TMEM72: variants seen among roughly 807,000 people sequenced by gnomAD.
TMEM72 encodes kidney-specific secretory protein of 37 kDa.
TMEM72 carries 9 observed loss-of-function variants against 16.3 expected under a neutral mutation model. The observed-to-expected ratio is 0.55, with a 90% confidence interval of 0.33 to 0.96. TMEM72 has a LOEUF of 0.96. TMEM72 is among the 40% of genes least tolerant of loss of function. The pLI is 0.03. For missense variants in TMEM72, 324 were observed against 337.8 expected (o/e 0.96, Z 0.32); for synonymous variants, 160 against 146.5 (o/e 1.09, Z -0.66).
chr10:44,913,117 G>A (rs1374692539), intron 1 of TMEM72, among the ~76,000 whole-genome samples: 2 of 152,074 alleles, frequency 1.3e-5, no homozygotes, highest in Non-Finnish European at 1.5e-5. Context: ...TCAGAACCAC[G>A]TTGTCGTCTA....
At chr10:44,933,448 A>T (rs886784214) in intron 3 of TMEM72, among the ~76,000 whole-genome samples, 189 bp from the exon 4 acceptor site, 1 of 152,130 alleles carries the variant, frequency 6.6e-6, no homozygotes, top group Non-Finnish European at 1.5e-5. Context: ...AAACTTGTGG[A>T]CCCTCTAGAG....
chr10:44,916,290 A>G (rs1273278063), intron 1 of TMEM72, among the ~76,000 whole-genome samples: 1 of 152,126 alleles, frequency 6.6e-6, no homozygotes, highest in East Asian at 1.9e-4. Flanking sequence ...GGAATCACTG[A>G]GGGGTTTTAT....
At chr10:44,912,330 A>T (rs1379230943) in intron 1 of TMEM72, among the ~76,000 whole-genome samples, 8 of 152,182 alleles carry the variant, frequency 5.3e-5, no homozygotes, top group African/African-American at 1.7e-4. Flanking sequence ...TCCCCAGGGC[A>T]GGCCTGACCC....
rs181416277 is a variant in TMEM72 at position 44,929,814 on chromosome 10, C to G, written c.137+1827C>G. Among the ~76,000 whole-genome samples, 1,306 of 152,398 alleles carry G rather than the reference C, an allele frequency of 8.6e-3. 10 individuals carry two copies. The highest frequency in any genetic ancestry group is 0.013 in the Admixed American group (203 of 15,310). On this transcript the variant is annotated intron_variant, in intron 2 of 4. Coordinates refer to ENST00000389583, the MANE Select transcript of TMEM72 (RefSeq NM_001123376.3). The stretch of plus-strand genomic sequence containing the variant: ...TCACTCATTCTGTTGGGTGCCCAAG[C>G]ACCGTCCACCCATTTCCACCTGCCC...
At chr10:44,921,890 C>T (rs1164897417) in intron 1 of TMEM72, among the ~76,000 whole-genome samples, 1 of 152,238 alleles carries the variant, frequency 6.6e-6, no homozygotes, top group African/African-American at 2.4e-5. Context: ...TGGGCTTAGA[C>T]TGAAGGCCAC....
Position 44,934,911 on chromosome 10 carries a change from C to T in TMEM72, c.605C>T (p.Pro202Leu), listed in dbSNP as rs1840372039. 2 of 1,613,658 alleles carry T rather than the reference C, an allele frequency of 1.2e-6. No individual in the cohort carries two copies. Among genetic ancestry groups the T allele is most frequent in the East Asian group, 2.2e-5 (1 of 44,868 alleles). ...GTKKPSALQP[P>L]NTLMELSLEP... ...AAGAAGCCCAGTGCCCTCCAGCCCC[C>T]CAACACCCTGATGGAGCTGAGCCTG... Residue 202 changes from proline to leucine, a missense_variant, in exon 5 of 5, where the codon CCC (proline) becomes CTC (leucine). Transcript: ENST00000389583.
chr10:44,934,750 G>T lies in TMEM72; in HGVS notation c.444G>T (p.Gln148His). ...AAPEVLASPE[Q>H]YTDPSSSAVS... ...CCGAGGTGCTGGCCTCCCCAGAGCAGTACACAGACCCCTCTAGCAGCGCTG... is the reference window on the plus strand; with the variant it reads ...CCGAGGTGCTGGCCTCCCCAGAGCATTACACAGACCCCTCTAGCAGCGCTG... The change falls in exon 5 of 5, where the codon CAG (glutamine) becomes CAT (histidine). Residue 148 changes from glutamine to histidine, a missense_variant. Gln to His is a conservative substitution (Grantham distance 24). Transcript: ENST00000389583. 1 of 1,613,620 alleles carries T rather than the reference G, an allele frequency of 6.2e-7. No individual in the cohort carries two copies. The highest frequency in any genetic ancestry group is 1.1e-5 in the South Asian group (1 of 91,076).
At position 44,930,315 on chromosome 10, in the gene TMEM72, G is replaced by A. The variant is rs1014315667; in HGVS notation, c.138-1683G>A. Among the ~76,000 whole-genome samples, 25 of 152,254 alleles carry A rather than the reference G, an allele frequency of 1.6e-4. 1 individual carries two copies. The highest frequency in any genetic ancestry group is 1.3e-3 in the Admixed American group (20 of 15,302). ...ATATACCCCTCTGTCCCAGGGCATA[G>A]AAAAAGGCAGTGGCAATTATTTTGC... On this transcript the variant is annotated intron_variant, in intron 2 of 4. Transcript: ENST00000389583.
rs1840409357 is a variant in TMEM72, at chr10:44,936,873, A to T, written c.*1739A>T. 1 of 152,214 alleles carries T rather than the reference A, an allele frequency of 6.6e-6. No individual in the cohort carries two copies. The highest frequency in any genetic ancestry group is 1.5e-5 in the Non-Finnish European group (1 of 68,054). The allele number at this position is 152,214 out of a possible 1,614,324, so 9.4% of individuals were successfully genotyped here. Reference sequence around the variant, plus strand: ...ATGGCACAGACATGGCCAGCCTCTGACGTTCCTCTGCATCAGAGTAGTTCT... The same window carrying T: ...ATGGCACAGACATGGCCAGCCTCTGTCGTTCCTCTGCATCAGAGTAGTTCT... On this transcript the variant is annotated 3_prime_UTR_variant, in exon 5 of 5. Coordinates refer to ENST00000389583, the MANE Select transcript of TMEM72 (RefSeq NM_001123376.3).
At chr10:44,928,085 T>A in intron 2 of TMEM72, 98 bp downstream of exon 2, 1 of 1,363,362 alleles carries the variant, frequency 7.3e-7, no homozygotes, top group Non-Finnish European at 1.0e-6. Context: ...CCCCTTCCCA[T>A]GTGAATTCCA....
chr10:44,926,311 G>T (rs1840192670), intron 1 of TMEM72, among the ~76,000 whole-genome samples: 2 of 152,154 alleles, frequency 1.3e-5, no homozygotes, highest in Admixed American at 1.3e-4. Flanking sequence ...CCTAGAGCTG[G>T]CTGCCTCCAC....
intron 2 of TMEM72, among the ~76,000 whole-genome samples, chr10:44,929,331 A>G (rs7098274): frequency 0.53 from 79,923 of 152,020 alleles, 21,964 homozygotes; most frequent in Non-Finnish European, 0.62. Context: ...ATGATATAGG[A>G]AGGCTGTGTG....
At chr10:44,927,471 C>T (rs1280305129) in intron 1 of TMEM72, among the ~76,000 whole-genome samples, 3 of 115,814 alleles carry the variant, frequency 2.6e-5, no homozygotes, top group Non-Finnish European at 3.7e-5. Context: ...CGCCACCCCT[C>T]AGCAAGCAAG....
chr10:44,926,700 A>G (rs909697515), intron 1 of TMEM72, among the ~76,000 whole-genome samples: 2 of 151,932 alleles, frequency 1.3e-5, no homozygotes, highest in Admixed American at 6.6e-5. Context: ...CCCTCCATCC[A>G]TTGCTCAGAA....
chr10:44,931,747 G>A, intron 2 of TMEM72: 2 of 525,082 alleles, frequency 3.8e-6, no homozygotes, highest in East Asian at 3.1e-5. Context: ...CCAGGTGAAG[G>A]CCATGTCACC....
intron 2 of TMEM72, among the ~76,000 whole-genome samples, chr10:44,930,436 G>A (rs1406026129): frequency 2.0e-5 from 3 of 152,198 alleles, no homozygotes; most frequent in African/African-American, 7.2e-5. Context: ...GGCCATTGGT[G>A]ATGGGGCAAA....
chr10:44,923,382 C>T (rs1235387579), intron 1 of TMEM72, among the ~76,000 whole-genome samples: 1 of 152,008 alleles, frequency 6.6e-6, no homozygotes, highest in African/African-American at 2.4e-5. Context: ...TCATTTCTCC[C>T]TCTCACTCTT....
intron 1 of TMEM72, among the ~76,000 whole-genome samples, chr10:44,912,336 G>T (rs921447498): frequency 4.1e-4 from 63 of 152,194 alleles, no homozygotes; most frequent in African/African-American, 1.5e-3. Context: ...GGGCAGGCCT[G>T]ACCCTTAGCC....
At chr10:44,934,278 T>A (rs1241566469) in intron 4 of TMEM72, among the ~76,000 whole-genome samples, 1 of 152,190 alleles carries the variant, frequency 6.6e-6, no homozygotes, top group Admixed American at 6.5e-5. Context: ...CCAGGATTTC[T>A]TGCTCCCACC....
Sources: allele counts gnomAD v4.1 joint callset (sites outside exome capture counted in the v4.1 genomes callset), GRCh38; gene constraint gnomAD v4.1.1; transcripts MANE v1.5; gene names NCBI Gene and HGNC (gene_info 2026-07-23, HGNC 2026-07-21).